The following PLXDC2 variants were observed in gnomAD, a reference collection of about 807,000 sequenced individuals.
The protein encoded by PLXDC2 is plexin domain containing 2, also known as plexin domain-containing protein 2.
PLXDC2 carries 40 observed loss-of-function variants against 68.9 expected under a neutral mutation model. The observed-to-expected ratio is 0.58, with a 90% CI of 0.45 to 0.76. PLXDC2 has a LOEUF of 0.76. Among genes scored for constraint, PLXDC2 ranks in the 30% least tolerant of loss-of-function variants. The pLI, the probability that PLXDC2 is intolerant of heterozygous loss-of-function variation, is 0.00. For synonymous variants in PLXDC2, 243 were observed against 234.2 expected (o/e 1.04, Z -0.34); for missense variants, 644 against 661.9 (o/e 0.97, Z 0.30).
chr10:20,229,380 G>C (rs1835329265), intron 12 of PLXDC2, among the ~76,000 whole-genome samples: 1 of 152,052 alleles, frequency 6.6e-6, no homozygotes, highest in Non-Finnish European at 1.5e-5. Flanking sequence ...TGTGTAAAAG[G>C]CCCATCAGGT....
intron 1 of PLXDC2, among the ~76,000 whole-genome samples, chr10:19,828,137 G>A (rs1185352455): frequency 1.3e-5 from 2 of 152,210 alleles, no homozygotes; most frequent in African/African-American, 4.8e-5. Flanking sequence ...TTCGCAATGT[G>A]CCTCTTCGCA....
chr10:20,140,872 A>AT (rs1046193288), intron 4 of PLXDC2, among the ~76,000 whole-genome samples: 9 of 148,652 alleles, frequency 6.1e-5, no homozygotes, highest in East Asian at 2.0e-4. Flanking sequence ...TGGGGTTTTT[A>AT]TTTTTTTTTT....
At chr10:20,163,379 G>T (rs1834332157) in intron 6 of PLXDC2, among the ~76,000 whole-genome samples, 1 of 151,970 alleles carries the variant, frequency 6.6e-6, no homozygotes, top group Non-Finnish European at 1.5e-5. Context: ...TCAAAAATAA[G>T]TCAGAGAGTT....
chr10:19,998,604 A>G (rs552865839), intron 1 of PLXDC2, among the ~76,000 whole-genome samples: 45 of 152,304 alleles, frequency 3.0e-4, no homozygotes, highest in Middle Eastern at 3.4e-3. Flanking sequence ...AAATGTTCTC[A>G]TTAGAAAACA....
At chr10:20,040,740 AAGCTTTCTTTCCAAAT>A (rs143432501) in intron 2 of PLXDC2, among the ~76,000 whole-genome samples, 2,022 of 152,120 alleles carry the variant, frequency 0.013, 48 homozygotes, top group African/African-American at 0.046. Context: ...GGGAGAAATA[AAGCTTTCTTTCCAAAT>A]TTATGAACCT....
intron 12 of PLXDC2, among the ~76,000 whole-genome samples, chr10:20,226,826 C>T (rs1275981815): frequency 6.6e-6 from 1 of 152,030 alleles, no homozygotes; most frequent in Admixed American, 6.6e-5. Context: ...TTTCAGTGTC[C>T]GCCTCCTGTC....
chr10:19,832,839 T>C (rs2131310746), intron 1 of PLXDC2, among the ~76,000 whole-genome samples: 1 of 152,278 alleles, frequency 6.6e-6, no homozygotes, highest in East Asian at 1.9e-4. Flanking sequence ...CAACATTCGA[T>C]TGTCTTGTGG....
At chr10:20,121,409 A>T (rs1833695859) in intron 4 of PLXDC2, among the ~76,000 whole-genome samples, 2 of 152,178 alleles carry the variant, frequency 1.3e-5, no homozygotes, top group Non-Finnish European at 2.9e-5. Context: ...GGTTTGGGAG[A>T]TTAATCGGAC....
chr10:20,244,301 A>G (rs960187465), intron 12 of PLXDC2, among the ~76,000 whole-genome samples: 1 of 152,156 alleles, frequency 6.6e-6, no homozygotes, highest in African/African-American at 2.4e-5. Context: ...GACTTTAGAG[A>G]TTAGTTGTAT....
chr10:19,822,212 T>C (rs1564599604), intron 1 of PLXDC2, among the ~76,000 whole-genome samples: 3 of 149,096 alleles, frequency 2.0e-5, no homozygotes, highest in East Asian at 3.9e-4. Flanking sequence ...CTATATATAA[T>C]ATATATGCAC....
intron 3 of PLXDC2, among the ~76,000 whole-genome samples, chr10:20,065,133 A>G (rs1382968216): frequency 6.6e-6 from 1 of 152,186 alleles, no homozygotes; most frequent in Non-Finnish European, 1.5e-5. Context: ...AACTAAGCCA[A>G]GGCTTAAAGA....
At chr10:20,023,412 C>T (rs888965193) in intron 2 of PLXDC2, among the ~76,000 whole-genome samples, 3 of 152,020 alleles carry the variant, frequency 2.0e-5, no homozygotes, top group Non-Finnish European at 4.4e-5. Flanking sequence ...GAAACTTGAC[C>T]CTAAGGCAGC....
intron 9 of PLXDC2, among the ~76,000 whole-genome samples, chr10:20,210,313 C>T (rs1034727418): frequency 2.0e-5 from 3 of 152,054 alleles, no homozygotes; most frequent in Non-Finnish European, 4.4e-5. Context: ...TGATCTTTTC[C>T]TCTCTTTCTT....
At chr10:19,836,105 A>G (rs943978613) in intron 1 of PLXDC2, among the ~76,000 whole-genome samples, 1 of 152,026 alleles carries the variant, frequency 6.6e-6, no homozygotes, top group Admixed American at 6.6e-5. Context: ...TGAGCCCAAG[A>G]GGTTGAGGCT....
intron 1 of PLXDC2, among the ~76,000 whole-genome samples, chr10:19,980,493 A>G (rs1012835740): frequency 2.0e-5 from 3 of 152,134 alleles, no homozygotes; most frequent in African/African-American, 7.2e-5. Flanking sequence ...GTGGCAGCAG[A>G]TCTGGATTCT....
intron 1 of PLXDC2, among the ~76,000 whole-genome samples, chr10:19,953,460 G>A (rs377678610): frequency 3.7e-4 from 57 of 152,308 alleles, no homozygotes; most frequent in African/African-American, 1.2e-3. Context: ...CCCAGAAATG[G>A]GAGGTGAAGC....
At chr10:19,968,365 T>G (rs943154936) in intron 1 of PLXDC2, among the ~76,000 whole-genome samples, 4 of 152,172 alleles carry the variant, frequency 2.6e-5, no homozygotes, top group African/African-American at 9.7e-5. Flanking sequence ...CAGGCTGGAG[T>G]GCAGTGGCAC....
At chr10:20,051,400 ATATATATATATATATATATAT>A (rs1323375817) in intron 3 of PLXDC2, among the ~76,000 whole-genome samples, 1 of 2,728 alleles carries the variant, frequency 3.7e-4, no homozygotes, top group Non-Finnish European at 7.7e-4. Flanking sequence ...GGTTAAATAT[ATATATATATATATATATATAT>A]ATATATATAT....
At chr10:19,976,931 A>G (rs12244031) in intron 1 of PLXDC2, among the ~76,000 whole-genome samples, 3,745 of 148,234 alleles carry the variant, frequency 0.025, 158 homozygotes, top group African/African-American at 0.088. Flanking sequence ...TTGAAATTTC[A>G]ATTTCTAGGA....
Sources: allele counts gnomAD v4.1 joint callset (sites outside exome capture counted in the v4.1 genomes callset), GRCh38; gene constraint gnomAD v4.1.1; transcripts MANE v1.5; gene names NCBI Gene and HGNC (gene_info 2026-07-23, HGNC 2026-07-21).